The following FAM161A variants were observed in gnomAD, a reference collection of about 807,000 sequenced individuals.
FAM161A encodes protein FAM161A.
A neutral mutation model predicts 70.9 loss-of-function variants in FAM161A; 57 were observed. That is an observed-to-expected ratio of 0.80 (90% CI 0.65 to 1.00). The LOEUF is 1.00. Ranked by LOEUF, FAM161A falls within the 50% of genes least tolerant of loss-of-function variation. The probability of loss-of-function intolerance (pLI) is 0.00; values close to 1 mark genes in which losing one functional copy is unlikely to be tolerated. For missense variants in FAM161A, 880 were observed against 836.0 expected (o/e 1.05, Z -0.65); for synonymous variants, 299 against 295.7 (o/e 1.01, Z -0.12).
At chr2:61,801,324 G>A in the FAM161A span, among the ~76,000 whole-genome samples, 1 of 150,946 alleles carries the variant, frequency 6.6e-6, no homozygotes, top group South Asian at 2.1e-4. Flanking sequence ...AGTGAAACCC[G>A]GTCTCTACTA....
chr2:61,811,345 GCGC>G, the FAM161A span, among the ~76,000 whole-genome samples: 3 of 151,974 alleles, frequency 2.0e-5, no homozygotes. Flanking sequence ...CTACAGGTAT[GCGC>G]CGCCGCACCT....
At chr2:61,821,302 C>T (rs1464218382), downstream of FAM161A, among the ~76,000 whole-genome samples, 2 of 152,106 alleles carry the variant, frequency 1.3e-5, no homozygotes, top group Admixed American at 6.6e-5. Context: ...CTGCCTGCCT[C>T]GGCCTCCCAA....
At chr2:61,811,537 C>A in the FAM161A span, among the ~76,000 whole-genome samples, 1 of 152,132 alleles carries the variant, frequency 6.6e-6, no homozygotes, top group Non-Finnish European at 1.5e-5. Flanking sequence ...CCACGCCCTG[C>A]TAATTTTCGT....
At chr2:61,803,122 T>C in the FAM161A span, 1 of 433,374 alleles carries the variant, frequency 2.3e-6, no homozygotes, top group Non-Finnish European at 4.3e-6. Flanking sequence ...AGAAAGTTCA[T>C]GACTACTTCA....
intron 1 of FAM161A, among the ~76,000 whole-genome samples, chr2:61,844,172 T>TA (rs776570115): frequency 4.6e-5 from 7 of 152,082 alleles, no homozygotes; most frequent in Non-Finnish European, 8.8e-5. Context: ...CAATAGAACT[T>TA]ACGTGCAGAA....
chr2:61,827,371 G>C, intron 5 of FAM161A, 113 bp from the exon 6 acceptor site: 1 of 1,009,734 alleles, frequency 9.9e-7, no homozygotes, highest in Non-Finnish European at 1.5e-6. Flanking sequence ...AGTGCTTTGG[G>C]AGGCCGAGAC....
rs1263867037 is a variant in FAM161A, at chr2:61,849,087, T to C, written c.183+4772A>G. On this transcript the variant is annotated intron_variant, in intron 1 of 6. Transcript: ENST00000404929. ...ATATATAAATATATATATTTATATA[T>C]ATATTTAAATATATATATTTATATA... Among the ~76,000 whole-genome samples, 2 of 63,602 alleles carry C rather than the reference T, an allele frequency of 3.1e-5. 1 individual carries two copies. The highest frequency in any genetic ancestry group is 5.7e-5 in the Non-Finnish European group (2 of 35,126). The allele number at this position is 63,602 out of a possible 152,430, so 41.7% of individuals were successfully genotyped here. A position where few individuals can be genotyped will look rare whatever the true frequency, so the allele number is the denominator to read the frequency against.
downstream of FAM161A, among the ~76,000 whole-genome samples, chr2:61,819,956 G>C (rs939083225): frequency 6.6e-6 from 1 of 151,916 alleles, no homozygotes; most frequent in African/African-American, 2.4e-5. Flanking sequence ...TTTCCTCATA[G>C]AGGATATTTT....
At chr2:61,819,023 G>A in the FAM161A span, among the ~76,000 whole-genome samples, 1 of 152,174 alleles carries the variant, frequency 6.6e-6, no homozygotes, top group African/African-American at 2.4e-5. Context: ...TAGTTAGGTA[G>A]TATTCATGCC....
chr2:61,848,707 G>T (rs565885582), intron 1 of FAM161A, among the ~76,000 whole-genome samples: 7 of 140,956 alleles, frequency 5.0e-5, no homozygotes, highest in African/African-American at 7.9e-5. Flanking sequence ...CGCTGAATTT[G>T]TAAAGAATGA....
chr2:61,836,018 C>T lies in FAM161A; in HGVS notation c.1843G>A (p.Val615Ile), dbSNP rs1456540459. The stretch of plus-strand genomic sequence containing the variant: ...ATTCCAATAAACACAACCTGAGCAA[C>T]TCTTTCAAATAGCAGTGGCCTCTTT... ...LKKRPLLFERVAQKNARMAAE... is the reference protein window; with the variant it reads ...LKKRPLLFERIAQKNARMAAE... Residue 615 changes from valine to isoleucine, a missense_variant, in exon 5 of 7, where the codon GTT (valine) becomes ATT (isoleucine). Physicochemically the swap from Val to Ile is conservative, Grantham distance 29 (BLOSUM62 3). Transcript: ENST00000404929. 3 of 1,597,344 alleles carry T rather than the reference C, an allele frequency of 1.9e-6. No individual in the cohort carries two copies. The Admixed American group carries it at 5.1e-5, about 27-fold the overall frequency.
intron 3 of FAM161A, among the ~76,000 whole-genome samples, chr2:61,839,051 T>G (rs1167663881): frequency 6.6e-6 from 1 of 151,442 alleles, no homozygotes; most frequent in East Asian, 1.9e-4. Flanking sequence ...CCCAGCTAAT[T>G]TTTTGTATTT....
chr2:61,806,847 C>A, the FAM161A span, among the ~76,000 whole-genome samples: 1 of 148,114 alleles, frequency 6.8e-6, no homozygotes, highest in Non-Finnish European at 1.5e-5. Flanking sequence ...CACCTGCCAC[C>A]ATGCCCAGCT....
At chr2:61,814,873 A>C in the FAM161A span, among the ~76,000 whole-genome samples, 1 of 152,210 alleles carries the variant, frequency 6.6e-6, no homozygotes, top group Non-Finnish European at 1.5e-5. Context: ...TTTTTCAGCC[A>C]GAGGCTAAAT....
the FAM161A span, among the ~76,000 whole-genome samples, chr2:61,804,814 GAAAGAGAA>G: frequency 7.0e-6 from 1 of 142,728 alleles, no homozygotes; most frequent in Admixed American, 7.0e-5. Context: ...AAGAAAGAAA[GAAAGAGAA>G]AGAGAAAGAA....
intron 5 of FAM161A, among the ~76,000 whole-genome samples, chr2:61,832,123 T>TA (rs1328431500): frequency 6.6e-6 from 1 of 151,872 alleles, no homozygotes; most frequent in Non-Finnish European, 1.5e-5. Flanking sequence ...CTTGTGCCTG[T>TA]AGTCCTAACT....
chr2:61,847,617 A>C (rs1039856979), intron 1 of FAM161A, among the ~76,000 whole-genome samples: 1 of 152,044 alleles, frequency 6.6e-6, no homozygotes, highest in Admixed American at 6.6e-5. Context: ...CAAAAAATAC[A>C]AAAAATTAGC....
chr2:61,833,830 G>A (rs1319024236), intron 5 of FAM161A, among the ~76,000 whole-genome samples: 1 of 152,044 alleles, frequency 6.6e-6, no homozygotes, highest in African/African-American at 2.4e-5. Context: ...AGGAGTTCAC[G>A]ACCAGCCTGG....
At chr2:61,801,807 T>C in the FAM161A span, among the ~76,000 whole-genome samples, 38,684 of 151,850 alleles carry the variant, frequency 0.25, 5,196 homozygotes, top group African/African-American at 0.33. Context: ...GTGATCCGCC[T>C]GCCTCAGCCT....
Sources: allele counts gnomAD v4.1 joint callset (sites outside exome capture counted in the v4.1 genomes callset), GRCh38; gene constraint gnomAD v4.1.1; transcripts MANE v1.5; gene names NCBI Gene and HGNC (gene_info 2026-07-23, HGNC 2026-07-21).